CCDC85C: variants seen among roughly 807,000 people sequenced by gnomAD.
CCDC85C encodes the protein coiled-coil domain-containing protein 85C.
CCDC85C carries 18 observed loss-of-function variants against 38.3 expected under a neutral mutation model. The ratio of observed to expected loss-of-function variants is 0.47; its 90% CI spans 0.33 to 0.70. CCDC85C has a LOEUF of 0.70. CCDC85C is among the 30% of genes least tolerant of loss of function. The pLI is 0.03. For synonymous variants in CCDC85C, 264 were observed against 293.8 expected (o/e 0.90, Z 1.04); for missense variants, 566 against 621.2 (o/e 0.91, Z 0.94).
chr14:99,576,863 C>T lies in CCDC85C; in HGVS notation c.793+26304G>A, dbSNP rs558731666. ...AAGCAACATGCCCAAGACAGCACAG[C>T]GGGGCAGCACTCTCTCCGGGTCACC... On this transcript the variant is annotated intron_variant, in intron 1 of 5. Transcript: ENST00000380243. This position sits in a 1 kb window ranked among gnomAD's most constrained non-coding sequence, Gnocchi z 4.8. Among the ~76,000 whole-genome samples, 4 of 152,102 alleles carry T rather than the reference C, an allele frequency of 2.6e-5. No homozygotes were observed. The highest frequency in any genetic ancestry group is 3.9e-4 in the East Asian group (2 of 5,134).
chr14:99,546,063 G>T (rs561227843), intron 1 of CCDC85C, among the ~76,000 whole-genome samples: 9 of 152,030 alleles, frequency 5.9e-5, no homozygotes, highest in Non-Finnish European at 1.2e-4. Flanking sequence ...TGCATGGGGG[G>T]GGGGAATAAA....
intron 1 of CCDC85C, among the ~76,000 whole-genome samples, chr14:99,554,244 C>T (rs1472928801): frequency 2.0e-5 from 3 of 152,124 alleles, no homozygotes; most frequent in Admixed American, 6.5e-5. Context: ...GTGCTTCTAA[C>T]CAAGCCCGGG....
At chr14:99,542,964 A>G (rs1454322165) in intron 1 of CCDC85C, among the ~76,000 whole-genome samples, 1 of 151,996 alleles carries the variant, frequency 6.6e-6, no homozygotes, top group Non-Finnish European at 1.5e-5. Flanking sequence ...AGATACCGCA[A>G]CTCCAGGCCT....
intron 1 of CCDC85C, among the ~76,000 whole-genome samples, chr14:99,580,486 G>C (rs2054956351): frequency 6.9e-6 from 1 of 144,326 alleles, no homozygotes; most frequent in Non-Finnish European, 1.5e-5. Flanking sequence ...GGGGGAAGGG[G>C]GCGGGGATGG....
intron 1 of CCDC85C, among the ~76,000 whole-genome samples, chr14:99,601,893 A>C (rs1595113063): frequency 1.3e-5 from 2 of 149,984 alleles, no homozygotes; most frequent in African/African-American, 2.5e-5. Context: ...CCCCTGCCCC[A>C]CCTCCATGGG....
rs73344601 is a variant in CCDC85C at position 99,569,140 on chromosome 14, C to A, written c.794-33052G>T. Among the ~76,000 whole-genome samples, 1,844 of 152,302 alleles carry A rather than the reference C, an allele frequency of 0.012. 33 individuals are homozygous for A. Among genetic ancestry groups the A allele is most frequent in the African/African-American group, 0.042 (1,753 of 41,552 alleles). ...TGCCAAGCCCCGTCCCCAGACCTAG[C>A]CACAGCAATATCCATCTTTAACCAA... On this transcript the variant is annotated intron_variant, in intron 1 of 5. Coordinates refer to ENST00000380243, the MANE Select transcript of CCDC85C (RefSeq NM_001144995.2). The surrounding 1 kb of genome is among the most constrained non-coding windows in gnomAD (Gnocchi z 4.3).
chr14:99,531,884 C>T (rs1897501553), intron 2 of CCDC85C, among the ~76,000 whole-genome samples: 1 of 152,204 alleles, frequency 6.6e-6, no homozygotes, highest in Non-Finnish European at 1.5e-5. Flanking sequence ...ACATAGTCAC[C>T]CAGCCATCTC....
chr14:99,591,518 C>T (rs950508007), intron 1 of CCDC85C, among the ~76,000 whole-genome samples: 2 of 152,174 alleles, frequency 1.3e-5, no homozygotes, highest in South Asian at 4.1e-4. Context: ...GCAAAGGCTG[C>T]CCTGCACCTC....
At position 99,520,311 on chromosome 14, in the gene CCDC85C, C is replaced by G. The variant is rs934389565; in HGVS notation, c.975+1822G>C. ...AGTGCCAGACATGGGCTCTCCAGGC[C>G]CCAGCAAGGGCCTCTGGCCCTGGCC... On this transcript the variant is annotated intron_variant, in intron 3 of 5. Transcript: ENST00000380243. This position sits in a 1 kb window ranked among gnomAD's most constrained non-coding sequence, Gnocchi z 4.1. 1.2e-4 allele frequency among the ~76,000 whole-genome samples: 19 copies of G among 152,146 alleles called. No homozygotes were observed. Among genetic ancestry groups the G allele is most frequent in the Non-Finnish European group, 2.6e-4 (18 of 67,996 alleles).
At position 99,572,979 on chromosome 14, in the gene CCDC85C, C is replaced by G. The variant is rs1315697693; in HGVS notation, c.793+30188G>C. 1 of 378,966 alleles carries G rather than the reference C, an allele frequency of 2.6e-6. No homozygotes were observed. Among genetic ancestry groups the G allele is most frequent in the East Asian group, 7.2e-5 (1 of 13,800 alleles). The allele number at this position is 378,966 out of a possible 1,614,324, so 23.5% of individuals were successfully genotyped here. On this transcript the variant is annotated intron_variant, in intron 1 of 5. Coordinates refer to ENST00000380243, the MANE Select transcript of CCDC85C (RefSeq NM_001144995.2). This position sits in a 1 kb window ranked among gnomAD's most constrained non-coding sequence, Gnocchi z 4.4. ...TCCTACAAGATAGGATGGCAGCAGC[C>G]TCAGAGCAGAAGGCACCCTGGTGAC... is the stretch of plus-strand genomic sequence containing the variant.
In CCDC85C at chr14:99,541,716, G is replaced by A. The variant is rs970040966; in HGVS notation, c.794-5628C>T. On this transcript the variant is annotated intron_variant, in intron 1 of 5. Transcript: ENST00000380243. ...GGCAGAGCTGCAGGTGCCAGCAGGCGATACAGCCGTGGGCTCAGAAACAGG... is the reference window on the plus strand; with the variant it reads ...GGCAGAGCTGCAGGTGCCAGCAGGCAATACAGCCGTGGGCTCAGAAACAGG... Among the ~76,000 whole-genome samples, 53 of 152,200 alleles carry A rather than the reference G, an allele frequency of 3.5e-4. 1 individual carries two copies. The highest frequency in any genetic ancestry group is 3.3e-3 in the Admixed American group (50 of 15,290).
chr14:99,542,399 G>A (rs1246791587), intron 1 of CCDC85C, among the ~76,000 whole-genome samples: 4 of 152,208 alleles, frequency 2.6e-5, no homozygotes, highest in Non-Finnish European at 4.4e-5. Context: ...GGACGGAGAT[G>A]CAGATTCCAG....
chr14:99,555,214 G>A (rs1202626678), intron 1 of CCDC85C, among the ~76,000 whole-genome samples: 1 of 152,188 alleles, frequency 6.6e-6, no homozygotes, highest in Non-Finnish European at 1.5e-5. Flanking sequence ...GCTGAGAACT[G>A]CCCCAAGCCA....
At chr14:99,565,125 A>C (rs1898190763) in intron 1 of CCDC85C, among the ~76,000 whole-genome samples, 1 of 152,184 alleles carries the variant, frequency 6.6e-6, no homozygotes, top group Non-Finnish European at 1.5e-5. Flanking sequence ...TTTTCCACCA[A>C]GAGCTGCTGA....
chr14:99,574,830 C>G (rs1205040565), intron 1 of CCDC85C, among the ~76,000 whole-genome samples: 2 of 152,166 alleles, frequency 1.3e-5, no homozygotes, highest in East Asian at 3.8e-4. Flanking sequence ...GGTGGATGGC[C>G]TGCAGGGGAT....
chr14:99,546,263 G>GC (rs1897806670), intron 1 of CCDC85C, among the ~76,000 whole-genome samples: 1 of 151,980 alleles, frequency 6.6e-6, no homozygotes, highest in African/African-American at 2.4e-5. Context: ...CCACAGCTCT[G>GC]CCCCGGAGCC....
chr14:99,523,803 AC>A (rs1897334515), intron 2 of CCDC85C, among the ~76,000 whole-genome samples: 1 of 152,160 alleles, frequency 6.6e-6, no homozygotes, highest in Non-Finnish European at 1.5e-5. Context: ...GGCCTTGGGC[AC>A]AGCCCTGAAC....
chr14:99,522,085 T>C, intron 3 of CCDC85C, 48 bp downstream of exon 3: 4 of 1,450,566 alleles, frequency 2.8e-6, no homozygotes, highest in Non-Finnish European at 3.8e-6. Flanking sequence ...CGCCTGAGCC[T>C]CAGCCCCTCA....
Position 99,510,159 on chromosome 14 carries a change from C to G in CCDC85C, c.*5087G>C. 1 of 1,595,310 alleles carries G rather than the reference C, an allele frequency of 6.3e-7. No individual in the cohort carries two copies. Among genetic ancestry groups the G allele is most frequent in the Non-Finnish European group, 8.5e-7 (1 of 1,174,598 alleles). On this transcript the variant is annotated 3_prime_UTR_variant, in exon 6 of 6. Transcript: ENST00000380243. ...ACTGATGCGTCTCTCTCCTGCAGACCGGAAGCCTCCCCTCGCTGCTGCCTT... is the reference window on the plus strand; with the variant it reads ...ACTGATGCGTCTCTCTCCTGCAGACGGGAAGCCTCCCCTCGCTGCTGCCTT...
Sources: allele counts gnomAD v4.1 joint callset (sites outside exome capture counted in the v4.1 genomes callset), GRCh38; gene constraint gnomAD v4.1.1; non-coding constraint Gnocchi (gnomAD v3.1); transcripts MANE v1.5; gene names NCBI Gene and HGNC (gene_info 2026-07-23, HGNC 2026-07-21).